The following STAT4 variants were observed in gnomAD, a reference collection of about 807,000 sequenced individuals.
STAT4 encodes signal transducer and activator of transcription 4.
STAT4 carries 42 observed loss-of-function variants against 110.5 expected under a neutral mutation model. That is an observed-to-expected ratio of 0.38 (90% confidence interval 0.30 to 0.49). The LOEUF (loss-of-function observed/expected upper bound fraction) is 0.49. Among genes scored for constraint, STAT4 ranks in the 20% least tolerant of loss-of-function variants. The pLI, the probability that STAT4 is intolerant of heterozygous loss-of-function variation, is 0.95. For synonymous variants in STAT4, 284 were observed against 302.2 expected (o/e 0.94, Z 0.63); for missense variants, 632 against 887.9 (o/e 0.71, Z 3.66).
In STAT4 at chr2:191,029,735, C is replaced by T; in HGVS notation, c.*105G>A. 9.6e-7 allele frequency: 1 copy of T among 1,036,482 alleles called. No individual in the cohort carries two copies. The highest frequency in any genetic ancestry group is 1.5e-5 in the South Asian group (1 of 68,626). The allele number at this position is 1,036,482 out of a possible 1,614,324, so 64.2% of individuals were successfully genotyped here. A position where few individuals can be genotyped will look rare whatever the true frequency, so the allele number is the denominator to read the frequency against. ...TTCAGATGTCAAACATTTCCTAGAA[C>T]CTGGTATTTACAAAGCTGAAGAAAT... On this transcript the variant is annotated 3_prime_UTR_variant, in exon 24 of 24. Transcript: ENST00000392320. This position sits in a 1 kb window ranked among gnomAD's most constrained non-coding sequence, Gnocchi z 4.5.
chr2:191,056,487 G>A (rs1696697992), intron 13 of STAT4, among the ~76,000 whole-genome samples: 1 of 152,054 alleles, frequency 6.6e-6, no homozygotes, highest in South Asian at 2.1e-4. Flanking sequence ...AAATGAAAGC[G>A]CTTTTAGCCA....
chr2:191,134,650 A>G (rs1699129551), intron 3 of STAT4, among the ~76,000 whole-genome samples: 1 of 152,264 alleles, frequency 6.6e-6, no homozygotes, highest in African/African-American at 2.4e-5. Context: ...ATCAAAGCCA[A>G]AGTATACTAC....
rs1201573352 is a variant in STAT4, at chr2:191,140,676, A to T, written c.273+5937T>A. Among the ~76,000 whole-genome samples the T allele has an allele frequency of 1.3e-5, 2 of 152,254 alleles. No individual in the cohort carries two copies. The highest frequency in any genetic ancestry group is 1.3e-4 in the Admixed American group (2 of 15,282). ...AACTAGTACAACCACCATGGAAAAC[A>T]GTATGGAGATTCCTCAAAGAAAAGC... On this transcript the variant is annotated intron_variant, in intron 3 of 23. Coordinates refer to ENST00000392320, the MANE Select transcript of STAT4 (RefSeq NM_003151.4). The surrounding 1 kb of genome is among the most constrained non-coding windows in gnomAD (Gnocchi z 4.4).
At chr2:191,149,052 T>G (rs1365771084) in intron 1 of STAT4, among the ~76,000 whole-genome samples, 2 of 152,220 alleles carry the variant, frequency 1.3e-5, no homozygotes. Context: ...GTAGACATAT[T>G]TCCTAACTCA....
intron 3 of STAT4, among the ~76,000 whole-genome samples, chr2:191,100,033 G>A (rs895447469): frequency 6.6e-6 from 1 of 151,860 alleles, no homozygotes; most frequent in Admixed American, 6.6e-5. Flanking sequence ...AAATTATAAA[G>A]CTATTTTCAT....
chr2:191,115,057 T>C (rs931157153), intron 3 of STAT4, among the ~76,000 whole-genome samples: 3 of 152,200 alleles, frequency 2.0e-5, no homozygotes, highest in African/African-American at 7.2e-5. Flanking sequence ...AGTATGAAAG[T>C]GTGTTACTTT....
chr2:191,087,414 G>A (rs148447011), intron 3 of STAT4, among the ~76,000 whole-genome samples: 4 of 152,216 alleles, frequency 2.6e-5, no homozygotes, highest in African/African-American at 7.2e-5. Context: ...TTGCAGCTTG[G>A]CCAGCTAACA....
chr2:191,062,476 A>G lies in STAT4; in HGVS notation c.941+286T>C, dbSNP rs1696876484. On this transcript the variant is annotated intron_variant, in intron 9 of 23. Coordinates refer to ENST00000392320, the MANE Select transcript of STAT4 (RefSeq NM_003151.4). The surrounding 1 kb of genome is among the most constrained non-coding windows in gnomAD (Gnocchi z 4.9). Reference sequence around the variant, plus strand: ...CATCCTTCATTTCATGGATATGCACATAAGAAAAAACCCTTGAAATTTTTT... The same window carrying G: ...CATCCTTCATTTCATGGATATGCACGTAAGAAAAAACCCTTGAAATTTTTT... Among the ~76,000 whole-genome samples, 1 of 152,230 alleles carries G rather than the reference A, an allele frequency of 6.6e-6. No individual in the cohort carries two copies. Among genetic ancestry groups the G allele is most frequent in the Non-Finnish European group, 1.5e-5 (1 of 68,040 alleles).
chr2:191,117,585 A>T lies in STAT4; in HGVS notation c.273+29028T>A, dbSNP rs1698605400. On this transcript the variant is annotated intron_variant, in intron 3 of 23. Coordinates refer to ENST00000392320, the MANE Select transcript of STAT4 (RefSeq NM_003151.4). The surrounding 1 kb of genome is among the most constrained non-coding windows in gnomAD (Gnocchi z 5.2). ...GGGAGTGCAGAGGAGAGAAAACTCG[A>T]TGTGGATTTTAATGACACATAGAGA... 6.6e-6 allele frequency among the ~76,000 whole-genome samples: 1 copy of T among 152,150 alleles called. No individual in the cohort carries two copies. Among genetic ancestry groups the T allele is most frequent in the African/African-American group, 2.4e-5 (1 of 41,430 alleles).
chr2:191,081,415 A>T (rs1697474119), intron 3 of STAT4, among the ~76,000 whole-genome samples: 1 of 152,346 alleles, frequency 6.6e-6, no homozygotes, highest in South Asian at 2.1e-4. Context: ...AGGAATTGTC[A>T]CACTGTCTTC....
rs906708901 is a variant in STAT4, at chr2:191,135,018, GA to G, written c.273+11594del. On this transcript the variant is annotated intron_variant, in intron 3 of 23. Transcript: ENST00000392320. The surrounding 1 kb of genome is among the most constrained non-coding windows in gnomAD (Gnocchi z 4.8). ...GCACCTCAAGTAACTAGAAAAGCAAGAAAAAAAAACCGAAATTAGTGGAAGG... is the reference window on the plus strand; with the variant it reads ...GCACCTCAAGTAACTAGAAAAGCAAGAAAAAAAACCGAAATTAGTGGAAGG... Among the ~76,000 whole-genome samples, 17 of 147,576 alleles carry G rather than the reference GA, an allele frequency of 1.2e-4. No homozygotes were observed. The highest frequency in any genetic ancestry group is 6.7e-4 in the Admixed American group (10 of 14,878).
chr2:191,052,965 T>C (rs909294047), intron 14 of STAT4, among the ~76,000 whole-genome samples: 1 of 152,218 alleles, frequency 6.6e-6, no homozygotes, highest in African/African-American at 2.4e-5. Flanking sequence ...GCAGCGATTC[T>C]ACCCTGGAAG....
Position 191,090,896 on chromosome 2 carries a change from C to A in STAT4, c.274-14571G>T, listed in dbSNP as rs1380671556. 6.6e-6 allele frequency among the ~76,000 whole-genome samples: 1 copy of A among 152,146 alleles called. No individual in the cohort carries two copies. The highest frequency in any genetic ancestry group is 1.5e-5 in the Non-Finnish European group (1 of 68,018). ...GTGAGCCACCATACCCGGCCTTAAA[C>A]TACTTCTTAAAGGTATCAAGTATGT... On this transcript the variant is annotated intron_variant, in intron 3 of 23. Transcript: ENST00000392320. This position sits in a 1 kb window ranked among gnomAD's most constrained non-coding sequence, Gnocchi z 4.2.
rs1463084579 is a variant in STAT4, at chr2:191,042,771, T to G, written c.1252-1623A>C. On this transcript the variant is annotated intron_variant, in intron 14 of 23. Coordinates refer to ENST00000392320, the MANE Select transcript of STAT4 (RefSeq NM_003151.4). The surrounding 1 kb of genome is among the most constrained non-coding windows in gnomAD (Gnocchi z 4.2). ...GTGATGCTTAAATTCATTCATTGTA[T>G]TCTCTCTTTTTTTTTTTTCTTTTTT... Among the ~76,000 whole-genome samples, 1 of 144,514 alleles carries G rather than the reference T, an allele frequency of 6.9e-6. No homozygotes were observed. The highest frequency in any genetic ancestry group is 1.5e-5 in the Non-Finnish European group (1 of 66,834). The allele number at this position is 144,514 out of a possible 152,430, so 94.8% of individuals were successfully genotyped here.
At chr2:191,072,967 G>A in intron 5 of STAT4, 131 bp downstream of exon 5, 1 of 619,954 alleles carries the variant, frequency 1.6e-6, no homozygotes. Context: ...TAGTATGTGA[G>A]AGATATTTAT....
chr2:191,050,426 G>A lies in STAT4; in HGVS notation c.1251+4064C>T, dbSNP rs996312817. On this transcript the variant is annotated intron_variant, in intron 14 of 23. Transcript: ENST00000392320. This position sits in a 1 kb window ranked among gnomAD's most constrained non-coding sequence, Gnocchi z 4.3. The stretch of plus-strand genomic sequence containing the variant: ...TTGCTAAAGTTGATTTTATGATAGC[G>A]TGTCTACAGATTCCTCAAGGAATGT... 3.9e-5 allele frequency among the ~76,000 whole-genome samples: 6 copies of A among 152,200 alleles called. No homozygotes were observed. Among genetic ancestry groups the A allele is most frequent in the Admixed American group, 6.5e-5 (1 of 15,274 alleles).
chr2:191,095,481 A>G (rs181079977), intron 3 of STAT4, among the ~76,000 whole-genome samples: 283 of 152,320 alleles, frequency 1.9e-3, no homozygotes, highest in Non-Finnish European at 3.4e-3. Flanking sequence ...GCACAACTAC[A>G]TGGAAACTGA....
chr2:191,095,816 C>A (rs577182305), intron 3 of STAT4, among the ~76,000 whole-genome samples: 420 of 152,128 alleles, frequency 2.8e-3, no homozygotes, highest in African/African-American at 9.7e-3. Flanking sequence ...TTCAAAAAGT[C>A]AATGAATCCA....
rs1006213841 is a variant in STAT4 at position 191,135,513 on chromosome 2, G to A, written c.273+11100C>T. Among the ~76,000 whole-genome samples, 4 of 152,044 alleles carry A rather than the reference G, an allele frequency of 2.6e-5. No homozygotes were observed. Among genetic ancestry groups the A allele is most frequent in the Admixed American group, 2.0e-4 (3 of 15,264 alleles). On this transcript the variant is annotated intron_variant, in intron 3 of 23. Coordinates refer to ENST00000392320, the MANE Select transcript of STAT4 (RefSeq NM_003151.4). This position sits in a 1 kb window ranked among gnomAD's most constrained non-coding sequence, Gnocchi z 4.8. ...GTTTGAGATGGAGTCTCACTCTGTC[G>A]CCCAGGCTGGAGTGCAGTGGCGTGA...
Sources: gnomAD v4.1 joint callset for allele counts (sites outside exome capture counted in the v4.1 genomes callset) on GRCh38, gnomAD v4.1.1 for gene constraint, Gnocchi (gnomAD v3.1) non-coding constraint, MANE v1.5 for transcripts, NCBI Gene and HGNC (gene_info 2026-07-23, HGNC 2026-07-21) for gene names.